MTUS1: variants seen among roughly 807,000 people sequenced by gnomAD.
MTUS1 encodes the protein microtubule-associated tumor suppressor 1.
MTUS1 carries 109 observed loss-of-function variants against 120.8 expected under a neutral mutation model. The ratio of observed to expected loss-of-function variants is 0.90; its 90% CI spans 0.77 to 1.06. The LOEUF is 1.06. MTUS1 is among the 50% of genes least tolerant of loss of function. The pLI is 0.00. For synonymous variants in MTUS1, 737 were observed against 550.5 expected, an observed-to-expected ratio of 1.34 and a Z score of -4.74; for missense variants, 2,210 against 1,486.3, an observed-to-expected ratio of 1.49 and a Z score of -8.01.
intron 8 of MTUS1, among the ~76,000 whole-genome samples, chr8:17,674,287 G>C (rs1005089441): frequency 2.6e-5 from 4 of 152,104 alleles, no homozygotes; most frequent in Non-Finnish European, 5.9e-5. Flanking sequence ...GGGTGTGGTG[G>C]TGTGCTCCTG....
chr8:17,679,330 T>C (rs1450405014), intron 7 of MTUS1, among the ~76,000 whole-genome samples: 1 of 143,896 alleles, frequency 6.9e-6, no homozygotes, highest in Non-Finnish European at 1.5e-5. Context: ...GTATCTATTT[T>C]ATATACATAT....
At position 17,674,593 on chromosome 8, in the gene MTUS1, G is replaced by C. The variant is rs1275336465; in HGVS notation, c.2905+593C>G. ...TTGAGACCTGGAAACTGCAGGGCTG[G>C]GTGGTGGGTGTTGAGACATGTAAAC... On this transcript the variant is annotated intron_variant, in intron 8 of 14. Coordinates refer to ENST00000693296, the MANE Select transcript of MTUS1 (RefSeq NM_001363059.2). 7 of 985,760 alleles carry C rather than the reference G, an allele frequency of 7.1e-6. No homozygotes were observed. The South Asian group carries it at 1.4e-4, about 20-fold the overall frequency. 61.1% of individuals were successfully genotyped at this position (985,760 alleles called of 1,614,324 possible). A position where few individuals can be genotyped will look rare whatever the true frequency, so the allele number is the denominator to read the frequency against.
intron 1 of MTUS1, among the ~76,000 whole-genome samples, chr8:17,780,531 C>T (rs2050794965): frequency 6.6e-6 from 1 of 152,120 alleles, no homozygotes; most frequent in Admixed American, 6.5e-5. Flanking sequence ...GAATATACCT[C>T]AAGCCAAAAA....
At chr8:17,655,808 G>C (rs1011153425) in intron 9 of MTUS1, 55 bp downstream of exon 9, 46 of 1,491,130 alleles carry the variant, frequency 3.1e-5, no homozygotes, top group Non-Finnish European at 4.2e-5. Flanking sequence ...AGAGCAACCA[G>C]GATTCAAGTA....
At chr8:17,781,670 G>A (rs951117697) in intron 1 of MTUS1, among the ~76,000 whole-genome samples, 2 of 152,108 alleles carry the variant, frequency 1.3e-5, no homozygotes, top group African/African-American at 2.4e-5. Flanking sequence ...AAGAAGAAAT[G>A]CTGGCTCTCC....
Position 17,645,970 on chromosome 8 carries a change from T to G in MTUS1, c.3769A>C (p.Arg1257=), listed in dbSNP as rs202161182. The change falls in exon 15 of 15, where the codon AGG becomes CGG. Residue 1257 remains arginine, a synonymous_variant. Transcript: ENST00000693296. ...TSSAIPLQSP[R]NSGSFPSPSI... is the part of the protein sequence containing the mutation. ...GGGCTAGGGAAGGAGCCCGAATTCCTTGGTGACTGCAAAGGGATGGCGGAG... is the reference window on the plus strand; with the variant it reads ...GGGCTAGGGAAGGAGCCCGAATTCCGTGGTGACTGCAAAGGGATGGCGGAG... 6 of 1,613,342 alleles carry G rather than the reference T, an allele frequency of 3.7e-6. No homozygotes were observed. The Admixed American group carries it at 6.7e-5, about 18-fold the overall frequency.
chr8:17,718,102 T>A (rs955506883), intron 4 of MTUS1, among the ~76,000 whole-genome samples: 1 of 152,228 alleles, frequency 6.6e-6, no homozygotes, highest in Non-Finnish European at 1.5e-5. Flanking sequence ...TCTCAATTTC[T>A]ACTTACTGTA....
At position 17,763,729 on chromosome 8, in the gene MTUS1, G is replaced by A. The variant is rs374037553; in HGVS notation, c.-154-7768C>T. Among the ~76,000 whole-genome samples, 93 of 152,300 alleles carry A rather than the reference G, an allele frequency of 6.1e-4. 2 individuals are homozygous for A. Among genetic ancestry groups the A allele is most frequent in the African/African-American group, 2.1e-3 (88 of 41,572 alleles). The stretch of plus-strand genomic sequence containing the variant: ...AGGGAAACACAAGTAACTGTGGCTG[G>A]CTGGTTATCTAACTCATCTCCTCTT... On this transcript the variant is annotated intron_variant, in intron 1 of 14. Coordinates refer to ENST00000693296, the MANE Select transcript of MTUS1 (RefSeq NM_001363059.2).
chr8:17,777,998 C>G (rs532292109), intron 1 of MTUS1, among the ~76,000 whole-genome samples: 1 of 152,236 alleles, frequency 6.6e-6, no homozygotes, highest in African/African-American at 2.4e-5. Context: ...GAAAAAGCAA[C>G]ACAGGAAAAC....
rs533555408 is a variant in MTUS1 at position 17,754,588 on chromosome 8, G to C, written c.1220C>G (p.Ser407Trp). Reference protein sequence around the residue: ...LSSPPGQKVGSSFGLTWDAND... With the variant: ...LSSPPGQKVGWSFGLTWDAND... ...TGCATCCCAAGTCAGTCCAAATGAC[G>C]AGCCCACCTTTTGTCCTGGCGGGCT... Residue 407 changes from serine to tryptophan, a missense_variant, in exon 2 of 15, where the codon TCG (serine) becomes TGG (tryptophan). By Grantham distance (177) the Ser-to-Trp change is radical (BLOSUM62 -3). Coordinates refer to ENST00000693296, the MANE Select transcript of MTUS1 (RefSeq NM_001363059.2). 5.6e-6 allele frequency: 9 copies of C among 1,614,136 alleles called. No individual in the cohort carries two copies. In the Admixed American group the frequency reaches 6.7e-5, roughly 12 times the overall value.
intron 6 of MTUS1, among the ~76,000 whole-genome samples, chr8:17,709,541 T>C (rs17633964): frequency 0.045 from 6,908 of 152,176 alleles, 314 homozygotes; most frequent in South Asian, 0.17. Context: ...GTGAACAAAC[T>C]GTAGTCAACA....
At chr8:17,767,713 A>AAAAACAAACAAACAAAAAAAAAAAAAC (rs1554533254) in intron 1 of MTUS1, among the ~76,000 whole-genome samples, 25 of 141,176 alleles carry the variant, frequency 1.8e-4, no homozygotes, top group African/African-American at 6.3e-4. Flanking sequence ...AAAAAAAAAA[A>AAAAACAAACAAACAAAAAAAAAAAAAC]AAAAACGGTG....
Position 17,645,761 on chromosome 8 carries a change from G to T in MTUS1, c.*165C>A, listed in dbSNP as rs1043885. 1 of 870,332 alleles carries T rather than the reference G, an allele frequency of 1.1e-6. No homozygotes were observed. The highest frequency in any genetic ancestry group is 1.6e-6 in the Non-Finnish European group (1 of 617,292). The allele number at this position is 870,332 out of a possible 1,614,324, so 53.9% of individuals were successfully genotyped here. ...ACGGAGGCAAAAGTCTTCCTCCAGAGTTCCAGTCTCAGAAGCTGCGATTCC... is the reference window on the plus strand; with the variant it reads ...ACGGAGGCAAAAGTCTTCCTCCAGATTTCCAGTCTCAGAAGCTGCGATTCC... On this transcript the variant is annotated 3_prime_UTR_variant, in exon 15 of 15. Coordinates refer to ENST00000693296, the MANE Select transcript of MTUS1 (RefSeq NM_001363059.2).
chr8:17,664,862 G>T (rs1810555512), intron 8 of MTUS1, among the ~76,000 whole-genome samples: 1 of 152,042 alleles, frequency 6.6e-6, no homozygotes, highest in Non-Finnish European at 1.5e-5. Flanking sequence ...AAGTAACCAA[G>T]AAGTCATTTT....
At chr8:17,702,894 C>T (rs2410503) in intron 6 of MTUS1, among the ~76,000 whole-genome samples, 64,941 of 151,990 alleles carry the variant, frequency 0.43, 15,692 homozygotes, top group Middle Eastern at 0.59. Flanking sequence ...TAAATTGTGA[C>T]GATTTCATGG....
rs869116810 is a variant in MTUS1, at chr8:17,645,071, TTTG to T, written c.*852_*854del. The T allele has an allele frequency of 6.9e-4, 94 of 136,908 alleles. No individual in the cohort carries two copies. Among genetic ancestry groups the T allele is most frequent in the African/African-American group, 2.0e-3 (82 of 40,366 alleles). The allele number at this position is 136,908 out of a possible 1,614,324, so 8.5% of individuals were successfully genotyped here. ...TTTCTTTACACAGTTAGTTAGTTAG[TTTG>T]TTTTTTTATAGAAAAATTAGGGTTC... On this transcript the variant is annotated 3_prime_UTR_variant, in exon 15 of 15. Coordinates refer to ENST00000693296, the MANE Select transcript of MTUS1 (RefSeq NM_001363059.2).
At chr8:17,741,083 T>G (rs2047285625) in intron 3 of MTUS1, among the ~76,000 whole-genome samples, 1 of 152,108 alleles carries the variant, frequency 6.6e-6, no homozygotes, top group Admixed American at 6.6e-5. Flanking sequence ...ATTCCCACAT[T>G]GGCCAGGCTG....
chr8:17,766,187 T>C (rs970264230), intron 1 of MTUS1, among the ~76,000 whole-genome samples: 43 of 152,188 alleles, frequency 2.8e-4, no homozygotes, highest in African/African-American at 1.0e-3. Flanking sequence ...ACTGAAAGCA[T>C]ACGGTATTAG....
At position 17,754,332 on chromosome 8, in the gene MTUS1, G is replaced by GC. The variant is rs1489905550; in HGVS notation, c.1475dup (p.Cys492TrpfsTer4). 6.2e-7 allele frequency: 1 copy of GC among 1,613,916 alleles called. No homozygotes were observed. The highest frequency in any genetic ancestry group is 1.3e-5 in the African/African-American group (1 of 74,860). On this transcript the variant is annotated frameshift_variant, in exon 2 of 15. Transcript: ENST00000693296. LOFTEE classifies it high-confidence loss of function. ...TTATAATTTCAGTTTTTCTAACTTT[G>GC]CAGCCTATTGGGGTATTCGTTTTGA...
Sources: allele counts gnomAD v4.1 joint callset (sites outside exome capture counted in the v4.1 genomes callset), GRCh38; gene constraint gnomAD v4.1.1; transcripts MANE v1.5; gene names NCBI Gene and HGNC (gene_info 2026-07-23, HGNC 2026-07-21).